Variants in RBFOX1 observed in about 807,000 individuals in gnomAD.
RBFOX1 encodes RNA binding fox-1 homolog 1.
A neutral mutation model predicts 57.7 loss-of-function variants in RBFOX1; 8 were observed. The ratio of observed to expected loss-of-function variants is 0.14; its 90% CI spans 0.08 to 0.25. The LOEUF is 0.25. Ranked by LOEUF, RBFOX1 falls within the 10% of genes least tolerant of loss-of-function variation. RBFOX1 has a pLI of 1.00. For synonymous variants in RBFOX1, 326 were observed against 222.4 expected, an observed-to-expected ratio of 1.47 and a Z score of -4.15; for missense variants, 611 against 548.5, an observed-to-expected ratio of 1.11 and a Z score of -1.14.
Position 6,732,639 on chromosome 16 carries a change from C to G in RBFOX1, c.-16+77989C>G, listed in dbSNP as rs1172636008. Among the ~76,000 whole-genome samples, 8 of 152,222 alleles carry G rather than the reference C, an allele frequency of 5.3e-5. No individual in the cohort carries two copies. In the East Asian group the frequency reaches 1.3e-3, roughly 26 times the overall value. Reference sequence around the variant, plus strand: ...CTCTGTGTTAATGTAAGGACAGTGACATTGGAGAGAAGAGCAAGGTGAATG... The same window carrying G: ...CTCTGTGTTAATGTAAGGACAGTGAGATTGGAGAGAAGAGCAAGGTGAATG... On this transcript the variant is annotated intron_variant, in intron 3 of 15. Transcript: ENST00000550418.
intron 3 of RBFOX1, among the ~76,000 whole-genome samples, chr16:6,763,759 C>G (rs1345408683): frequency 6.6e-6 from 1 of 152,180 alleles, no homozygotes; most frequent in Non-Finnish European, 1.5e-5. Context: ...TGGACGGATT[C>G]CACACAAACA....
chr16:7,628,999 TTAC>T (rs1239148822), intron 10 of RBFOX1, among the ~76,000 whole-genome samples: 2 of 152,214 alleles, frequency 1.3e-5, no homozygotes, highest in African/African-American at 4.8e-5. Flanking sequence ...CTTGATATAT[TTAC>T]TACCCAGAGA....
At chr16:6,238,712 A>C (rs62015130) in intron 1 of RBFOX1, among the ~76,000 whole-genome samples, 29,016 of 152,082 alleles carry the variant, frequency 0.19, 3,323 homozygotes, top group African/African-American at 0.32. Context: ...TATTGTTTGC[A>C]ATGTCTTGCT....
intron 3 of RBFOX1, among the ~76,000 whole-genome samples, chr16:5,703,887 G>A (rs1304126288): frequency 1.3e-5 from 2 of 152,156 alleles, no homozygotes; most frequent in South Asian, 2.1e-4. Flanking sequence ...GGCTTACAAA[G>A]GTGCTTAGCA....
At position 7,555,978 on chromosome 16, in the gene RBFOX1, C is replaced by T. The variant is rs73486614; in HGVS notation, c.271-23799C>T. 3.8e-3 allele frequency among the ~76,000 whole-genome samples: 566 copies of T among 150,860 alleles called. 4 individuals carry two copies. The highest frequency in any genetic ancestry group is 0.011 in the African/African-American group (461 of 40,308). On this transcript the variant is annotated intron_variant, in intron 5 of 15. Coordinates refer to ENST00000550418, the MANE Select transcript of RBFOX1 (RefSeq NM_018723.4). ...GAGGGATTTTTTCCTGTTTTCTCCA[C>T]GATGCATTTCCAACACCTGGAATTG...
chr16:6,146,554 T>A (rs1052814395), intron 1 of RBFOX1, among the ~76,000 whole-genome samples: 1 of 152,126 alleles, frequency 6.6e-6, no homozygotes, highest in Non-Finnish European at 1.5e-5. Context: ...GGCTTCCCAG[T>A]GGCTACTGAT....
chr16:5,578,843 CCT>C (rs1491151210), intron 2 of RBFOX1, among the ~76,000 whole-genome samples: 31 of 79,904 alleles, frequency 3.9e-4, no homozygotes, highest in African/African-American at 1.2e-3. Flanking sequence ...ACACACACAC[CCT>C]TTTTTTTTTT....
At chr16:5,768,625 C>G (rs542857971) in intron 3 of RBFOX1, among the ~76,000 whole-genome samples, 6 of 152,280 alleles carry the variant, frequency 3.9e-5, no homozygotes, top group Middle Eastern at 3.4e-3. Context: ...GCATCATAGC[C>G]AAAATCTGCT....
chr16:7,486,045 CCTT>C (rs1245027395), intron 4 of RBFOX1, among the ~76,000 whole-genome samples: 4 of 151,626 alleles, frequency 2.6e-5, no homozygotes, highest in South Asian at 4.2e-4. Context: ...AATTTCTGAT[CCTT>C]CTTCTGTGCT....
chr16:7,681,446 A>C (rs2074718269), intron 14 of RBFOX1, among the ~76,000 whole-genome samples: 1 of 152,188 alleles, frequency 6.6e-6, no homozygotes, highest in Non-Finnish European at 1.5e-5. Flanking sequence ...AGCGCAGGCT[A>C]CTTCCTGTCT....
At chr16:7,094,002 T>A (rs531927119) in intron 4 of RBFOX1, among the ~76,000 whole-genome samples, 111 of 151,544 alleles carry the variant, frequency 7.3e-4, no homozygotes, top group Middle Eastern at 3.4e-3. Flanking sequence ...TGATGTTGTC[T>A]TTATGATTGT....
At chr16:5,366,182 A>G (rs62017727) in intron 1 of RBFOX1, 14,373 of 421,126 alleles carry the variant, frequency 0.034, 392 homozygotes, top group South Asian at 0.067. Flanking sequence ...ACGAAGACAA[A>G]GATATGAAAC....
chr16:7,617,821 G>A (rs538590709), intron 10 of RBFOX1, among the ~76,000 whole-genome samples: 1 of 152,124 alleles, frequency 6.6e-6, no homozygotes, highest in African/African-American at 2.4e-5. Flanking sequence ...ATACCTGCTA[G>A]AGCCAAAAGA....
At chr16:7,568,980 G>A (rs889126308) in intron 5 of RBFOX1, among the ~76,000 whole-genome samples, 9 of 151,356 alleles carry the variant, frequency 5.9e-5, no homozygotes, top group African/African-American at 1.9e-4. Flanking sequence ...TATTCAAGAT[G>A]GAGTTGCTTT....
chr16:5,309,217 T>A (rs2064017713), intron 1 of RBFOX1, among the ~76,000 whole-genome samples: 1 of 152,226 alleles, frequency 6.6e-6, no homozygotes, highest in Non-Finnish European at 1.5e-5. Context: ...TTTTGGAACG[T>A]CTTCTCCTTT....
chr16:7,110,439 A>C (rs1189461125), intron 4 of RBFOX1, among the ~76,000 whole-genome samples: 1 of 152,190 alleles, frequency 6.6e-6, no homozygotes, highest in Non-Finnish European at 1.5e-5. Flanking sequence ...AAACACAGCA[A>C]ATATGAGTGG....
chr16:7,186,273 C>T (rs1172912223), intron 4 of RBFOX1, among the ~76,000 whole-genome samples: 2 of 119,052 alleles, frequency 1.7e-5, no homozygotes, highest in Non-Finnish European at 3.3e-5. Flanking sequence ...TAAACATAAA[C>T]ATAAACATAT....
chr16:6,429,982 C>A lies in RBFOX1; in HGVS notation c.-64+112925C>A, dbSNP rs574423808. Among the ~76,000 whole-genome samples the A allele has an allele frequency of 3.9e-5, 6 of 152,176 alleles. No individual in the cohort carries two copies. The South Asian group carries it at 1.2e-3, about 32-fold the overall frequency. On this transcript the variant is annotated intron_variant, in intron 2 of 15. Transcript: ENST00000550418. The stretch of plus-strand genomic sequence containing the variant: ...AATTAGCCAGGTATGGTGACACATG[C>A]CTGTAATCCCAGCTACTTGGGAGGC...
chr16:7,335,166 A>G (rs2096762992), intron 4 of RBFOX1, among the ~76,000 whole-genome samples: 1 of 152,190 alleles, frequency 6.6e-6, no homozygotes, highest in Non-Finnish European at 1.5e-5. Flanking sequence ...TGTATCACTC[A>G]CAGATGCTCA....
Sources: gnomAD v4.1 joint callset for allele counts (sites outside exome capture counted in the v4.1 genomes callset) on GRCh38, gnomAD v4.1.1 for gene constraint, MANE v1.5 for transcripts, NCBI Gene and HGNC (gene_info 2026-07-23, HGNC 2026-07-21) for gene names.